The following SEMA3A variants were observed in gnomAD, a reference collection of about 807,000 sequenced individuals.
SEMA3A encodes the protein semaphorin-3A.
Under a neutral mutation model 97.9 loss-of-function variants are expected in SEMA3A, and 29 were observed. The ratio of observed to expected loss-of-function variants is 0.30; its 90% CI spans 0.22 to 0.40. The LOEUF (loss-of-function observed/expected upper bound fraction) is 0.40. SEMA3A is among the 10% of genes least tolerant of loss of function. SEMA3A has a pLI of 1.00. For missense variants in SEMA3A, 763 were observed against 951.3 expected, an observed-to-expected ratio of 0.80 and a Z score of 2.60; for synonymous variants, 321 against 323.7, an observed-to-expected ratio of 0.99 and a Z score of 0.09.
chr7:84,467,293 C>T (rs1420234207), intron 1 of SEMA3A, among the ~76,000 whole-genome samples: 1 of 152,084 alleles, frequency 6.6e-6, no homozygotes, highest in Non-Finnish European at 1.5e-5. Flanking sequence ...AAGGCTGAGG[C>T]GAGTGGATCA....
intron 2 of SEMA3A, among the ~76,000 whole-genome samples, chr7:84,326,936 A>G (rs899813557): frequency 6.6e-6 from 1 of 152,200 alleles, no homozygotes; most frequent in Non-Finnish European, 1.5e-5. Context: ...CAAAGAAACC[A>G]AAAGCAATCA....
At chr7:84,398,216 C>G (rs1326538762) in intron 1 of SEMA3A, among the ~76,000 whole-genome samples, 1 of 152,174 alleles carries the variant, frequency 6.6e-6, no homozygotes, top group Non-Finnish European at 1.5e-5. Flanking sequence ...AACTAATTTT[C>G]ATTCCACCTC....
intron 2 of SEMA3A, among the ~76,000 whole-genome samples, chr7:84,134,140 C>T (rs183065213): frequency 1.6e-4 from 25 of 152,182 alleles, no homozygotes; most frequent in African/African-American, 5.5e-4. Context: ...AAAGATAGAA[C>T]TTATATCCTG....
At chr7:84,221,048 T>C (rs1798868382) in intron 3 of SEMA3A, among the ~76,000 whole-genome samples, 1 of 152,280 alleles carries the variant, frequency 6.6e-6, no homozygotes, top group Admixed American at 6.6e-5. Context: ...CTGTTTAGTG[T>C]AGTCACCTTC....
At chr7:84,366,665 T>C (rs752918137) in intron 2 of SEMA3A, among the ~76,000 whole-genome samples, 1 of 151,244 alleles carries the variant, frequency 6.6e-6, no homozygotes, top group Non-Finnish European at 1.5e-5. Context: ...CCTTAATAGG[T>C]GAGCACTCCA....
At chr7:84,300,528 A>G (rs1007170730) in intron 3 of SEMA3A, among the ~76,000 whole-genome samples, 11 of 152,170 alleles carry the variant, frequency 7.2e-5, no homozygotes, top group African/African-American at 2.7e-4. Context: ...CAACAGCAGT[A>G]CTACACATAT....
At chr7:83,972,381 T>G (rs1788953563) in intron 15 of SEMA3A, among the ~76,000 whole-genome samples, 1 of 152,046 alleles carries the variant, frequency 6.6e-6, no homozygotes. Context: ...TATGAAGATA[T>G]CTACTGTAAT....
At chr7:84,249,400 T>TATCTATCTATCTATCTA (rs1554351583) in intron 3 of SEMA3A, among the ~76,000 whole-genome samples, 1 of 151,786 alleles carries the variant, frequency 6.6e-6, no homozygotes, top group Non-Finnish European at 1.5e-5. Flanking sequence ...TCTATCTATC[T>TATCTATCTATCTATCTA]ATCTATCTAT....
intron 1 of SEMA3A, among the ~76,000 whole-genome samples, chr7:84,389,436 T>C (rs992678189): frequency 2.0e-5 from 3 of 152,024 alleles, no homozygotes; most frequent in African/African-American, 7.2e-5. Flanking sequence ...GCTTTTATGG[T>C]TTCATTTCCC....
chr7:84,278,226 C>T (rs1269741937), intron 3 of SEMA3A, among the ~76,000 whole-genome samples: 2 of 152,028 alleles, frequency 1.3e-5, no homozygotes, highest in African/African-American at 4.8e-5. Context: ...CAAAAGTGAC[C>T]TTTGCTCCAG....
At chr7:83,997,850 C>T (rs1224325745) in intron 12 of SEMA3A, among the ~76,000 whole-genome samples, 1 of 151,360 alleles carries the variant, frequency 6.6e-6, no homozygotes, top group African/African-American at 2.4e-5. Flanking sequence ...GATTATTGTG[C>T]CTTAGTTTCC....
At chr7:84,208,576 A>G (rs367960039) in intron 3 of SEMA3A, among the ~76,000 whole-genome samples, 3 of 152,364 alleles carry the variant, frequency 2.0e-5, no homozygotes, top group Admixed American at 1.3e-4. Flanking sequence ...TCATTCAACT[A>G]TAAACTTTAA....
intron 3 of SEMA3A, among the ~76,000 whole-genome samples, chr7:84,279,883 T>C (rs1376371655): frequency 6.6e-6 from 1 of 152,108 alleles, no homozygotes; most frequent in Non-Finnish European, 1.5e-5. Flanking sequence ...GACATATTCA[T>C]ATATTTTTAT....
intron 1 of SEMA3A, among the ~76,000 whole-genome samples, chr7:84,458,579 T>A (rs1416256738): frequency 2.0e-5 from 3 of 152,058 alleles, no homozygotes; most frequent in Non-Finnish European, 2.9e-5. Context: ...TTCTGACTTT[T>A]TGCCTTCCCT....
intron 1 of SEMA3A, among the ~76,000 whole-genome samples, chr7:84,462,839 A>G (rs1805882800): frequency 6.6e-6 from 1 of 152,202 alleles, no homozygotes; most frequent in South Asian, 2.1e-4. Context: ...AGATAGATAG[A>G]TAGATAGCAG....
chr7:84,488,774 T>G (rs1026296248), intron 1 of SEMA3A, among the ~76,000 whole-genome samples: 39 of 152,134 alleles, frequency 2.6e-4, no homozygotes, highest in Non-Finnish European at 5.6e-4. Flanking sequence ...TAACCTGAAG[T>G]GAGATCATAT....
intron 4 of SEMA3A, among the ~76,000 whole-genome samples, chr7:84,087,955 C>T (rs1794432038): frequency 6.6e-6 from 1 of 152,066 alleles, no homozygotes; most frequent in Non-Finnish European, 1.5e-5. Flanking sequence ...TTGGAACTAG[C>T]TCAAATACTC....
At chr7:84,008,470 T>G (rs1300054310) in intron 9 of SEMA3A, among the ~76,000 whole-genome samples, 12 of 114,300 alleles carry the variant, frequency 1.0e-4, no homozygotes, top group Admixed American at 6.0e-4. Flanking sequence ...CAGCCTGGGC[T>G]ACAGAACAAG....
At position 84,054,971 on chromosome 7, in the gene SEMA3A, T is replaced by G. The variant is rs945157411; in HGVS notation, c.547+5494A>C. Among the ~76,000 whole-genome samples the G allele has an allele frequency of 3.9e-5, 6 of 152,090 alleles. No homozygotes were observed. The South Asian group carries it at 8.3e-4, about 21-fold the overall frequency. On this transcript the variant is annotated intron_variant, in intron 5 of 16. Coordinates refer to ENST00000265362, the MANE Select transcript of SEMA3A (RefSeq NM_006080.3). ...TGTTGGAGTACCCTGCCATGTGAGG[T>G]GTCAGTCTGCCCCTGCTGTGGGGTG...
Sources: gnomAD v4.1 joint callset for allele counts (sites outside exome capture counted in the v4.1 genomes callset) on GRCh38, gnomAD v4.1.1 for gene constraint, MANE v1.5 for transcripts, NCBI Gene and HGNC (gene_info 2026-07-23, HGNC 2026-07-21) for gene names.